The following YTHDC2 variants were observed in gnomAD, a reference collection of about 807,000 sequenced individuals.
The protein encoded by YTHDC2 is YTH N6-methyladenosine RNA binding protein C2.
In YTHDC2, 45 loss-of-function variants were observed where a neutral mutation model predicts 174.9. The ratio of observed to expected loss-of-function variants is 0.26; its 90% CI spans 0.20 to 0.33. The LOEUF (loss-of-function observed/expected upper bound fraction) is 0.33. Among genes scored for constraint, YTHDC2 ranks in the 10% least tolerant of loss-of-function variants. The probability of loss-of-function intolerance (pLI) is 1.00; values close to 1 mark genes in which losing one functional copy is unlikely to be tolerated. For missense variants in YTHDC2, 1,650 were observed against 1,723.7 expected (o/e 0.96, Z 0.76); for synonymous variants, 657 against 574.5 (o/e 1.14, Z -2.05).
At chr5:113,514,215 G>C in intron 1 of YTHDC2, 133 bp downstream of exon 1, 1 of 1,196,998 alleles carries the variant, frequency 8.4e-7, no homozygotes, top group Non-Finnish European at 1.2e-6. Context: ...CGTCCGGGGC[G>C]GGCCTCAGCG....
chr5:113,519,406 C>G (rs2112525147), intron 2 of YTHDC2, among the ~76,000 whole-genome samples: 1 of 152,206 alleles, frequency 6.6e-6, no homozygotes, highest in Non-Finnish European at 1.5e-5. Context: ...TTTTCTAAGT[C>G]TTTGGCTTGT....
At chr5:113,570,421 T>A (rs768170799) in intron 23 of YTHDC2, among the ~76,000 whole-genome samples, 5 of 152,082 alleles carry the variant, frequency 3.3e-5, no homozygotes, top group Admixed American at 6.6e-5. Flanking sequence ...GTATTTTATT[T>A]TTGTTGCAAT....
chr5:113,556,048 A>T lies in YTHDC2; in HGVS notation c.2134-4A>T. 6.4e-7 allele frequency: 1 copy of T among 1,561,238 alleles called. No individual in the cohort carries two copies. Among genetic ancestry groups the T allele is most frequent in the Non-Finnish European group, 8.8e-7 (1 of 1,134,558 alleles). On this transcript the variant is annotated splice_region_variant and splice_polypyrimidine_tract_variant and intron_variant, in intron 16 of 29. Transcript: ENST00000161863. ...CTAACATAAAGATGGTTTAAATATT[A>T]CAGAAATCCTTTGATGCTCTGAATT...
intron 17 of YTHDC2, among the ~76,000 whole-genome samples, chr5:113,556,512 A>C (rs1295896241): frequency 2.0e-5 from 3 of 152,228 alleles, no homozygotes; most frequent in Non-Finnish European, 4.4e-5. Context: ...GCAATTTACC[A>C]AAATAAAAAA....
rs987771986 is a variant in YTHDC2, at chr5:113,565,754, A to G, written c.2716-139A>G. ...TTAATGATAAATATTATTTGATCAT[A>G]AAGTCTTAGATTTTATAGAAAATTA... is the stretch of plus-strand genomic sequence containing the variant. On this transcript the variant is annotated intron_variant, in intron 20 of 29. Transcript: ENST00000161863. The G allele has an allele frequency of 1.7e-5, 13 of 764,390 alleles. No homozygotes were observed. The Admixed American group carries it at 2.7e-4, about 16-fold the overall frequency. The allele number at this position is 764,390 out of a possible 1,614,324, so 47.4% of individuals were successfully genotyped here. A position where few individuals can be genotyped will look rare whatever the true frequency, so the allele number is the denominator to read the frequency against.
chr5:113,561,249 CT>C, intron 18 of YTHDC2, 64 bp downstream of exon 18: 1 of 1,284,392 alleles, frequency 7.8e-7, no homozygotes, highest in Non-Finnish European at 1.1e-6. Context: ...GCCATTTCAA[CT>C]TCTATGGATT....
chr5:113,567,917 AT>A, intron 23 of YTHDC2, 68 bp downstream of exon 23: 1 of 1,227,020 alleles, frequency 8.1e-7, no homozygotes, highest in Non-Finnish European at 1.1e-6. Flanking sequence ...TAATGAAATT[AT>A]TTTACTAAAC....
At chr5:113,577,428 G>T (rs1778125003) in intron 23 of YTHDC2, among the ~76,000 whole-genome samples, 1 of 152,082 alleles carries the variant, frequency 6.6e-6, no homozygotes, top group East Asian at 1.9e-4. Context: ...GAAGTACAGT[G>T]GTGCAATTAC....
intron 4 of YTHDC2, among the ~76,000 whole-genome samples, chr5:113,528,014 T>A (rs1288677134): frequency 6.6e-6 from 1 of 152,210 alleles, no homozygotes; most frequent in Non-Finnish European, 1.5e-5. Flanking sequence ...GAGAATTTGT[T>A]TAGCTGTCTT....
chr5:113,576,037 G>A (rs1162490476), intron 23 of YTHDC2, among the ~76,000 whole-genome samples: 6 of 152,150 alleles, frequency 3.9e-5, no homozygotes, highest in Non-Finnish European at 7.4e-5. Flanking sequence ...AGCAAGTCGT[G>A]TAGGGGAGAA....
chr5:113,552,663 T>C (rs182454338), intron 12 of YTHDC2, among the ~76,000 whole-genome samples: 225 of 152,232 alleles, frequency 1.5e-3, no homozygotes, highest in Non-Finnish European at 1.9e-3. Context: ...TTCATTTCTC[T>C]TATATATACA....
Position 113,561,121 on chromosome 5 carries a change from G to C in YTHDC2, c.2258G>C (p.Ser753Thr). ...CRPGICFRLF[S>T]RLRFQNMLEF... The stretch of plus-strand genomic sequence containing the variant: ...CCTGGAATTTGTTTTCGTCTGTTCA[G>C]TAGACTCCGATTCCAGAATATGTTG... The change falls in exon 18 of 30, where the codon AGT (serine) becomes ACT (threonine). Residue 753 changes from serine to threonine, a missense_variant. By Grantham distance (58) the Ser-to-Thr change is moderately conservative. Coordinates refer to ENST00000161863, the MANE Select transcript of YTHDC2 (RefSeq NM_022828.5). 6.2e-7 allele frequency: 1 copy of C among 1,613,152 alleles called. No individual in the cohort carries two copies. The highest frequency in any genetic ancestry group is 8.5e-7 in the Non-Finnish European group (1 of 1,179,466).
Position 113,561,196 on chromosome 5 carries a change from A to T in YTHDC2, c.2322+11A>T. ...AGAATGCCATTACAGGTAAAAATTT[A>T]TTTAAATATAAAAGGCATTTTTTTG... On this transcript the variant is annotated intron_variant, in intron 18 of 29. Transcript: ENST00000161863. The T allele has an allele frequency of 6.2e-7, 1 of 1,606,220 alleles. No homozygotes were observed. Among genetic ancestry groups the T allele is most frequent in the Non-Finnish European group, 8.5e-7 (1 of 1,175,750 alleles).
At chr5:113,581,315 T>C (rs552355593) in intron 24 of YTHDC2, 102 bp from the exon 25 acceptor site, 2 of 1,079,294 alleles carry the variant, frequency 1.9e-6, no homozygotes, top group Non-Finnish European at 2.5e-6. Context: ...AAATGTGAAA[T>C]AAGTTTGTTG....
intron 24 of YTHDC2, among the ~76,000 whole-genome samples, chr5:113,580,328 C>G (rs1300417924): frequency 2.6e-5 from 4 of 152,136 alleles, no homozygotes; most frequent in African/African-American, 9.7e-5. Context: ...ATTGGGTACA[C>G]AAGAACTCCC....
chr5:113,514,075 C>A lies in YTHDC2; in HGVS notation c.180C>A (p.Asp60Glu). Reference sequence around the variant, plus strand: ...CGCTGGAGCGCTTCCGATACGGGGACCAGAGAGGTGAGGTTCCGGACAGGG... The same window carrying A: ...CGCTGGAGCGCTTCCGATACGGGGAACAGAGAGGTGAGGTTCCGGACAGGG... ...NIALERFRYG[D>E]QREMEFPSSL... Residue 60 changes from aspartate to glutamate, a missense_variant, in exon 1 of 30, where the codon GAC becomes GAA. Physicochemically the swap from Asp to Glu is conservative, Grantham distance 45 (BLOSUM62 2). Around this residue, in one of 5 missense-constraint regions of YTHDC2, gnomAD observed 304 missense variants for 341.4 expected, o/e 0.89. Transcript: ENST00000161863. 1 of 1,611,456 alleles carries A rather than the reference C, an allele frequency of 6.2e-7. No individual in the cohort carries two copies. The highest frequency in any genetic ancestry group is 8.5e-7 in the Non-Finnish European group (1 of 1,178,998).
In YTHDC2 at chr5:113,553,662, A is replaced by G. The variant is rs772708058; in HGVS notation, c.1940A>G (p.Lys647Arg). 1.2e-6 allele frequency: 2 copies of G among 1,613,562 alleles called. No individual in the cohort carries two copies. Among genetic ancestry groups the G allele is most frequent in the South Asian group, 1.1e-5 (1 of 91,058 alleles). Residue 647 changes from lysine (K) to arginine (R), a missense_variant, in exon 14 of 30, where the codon AAG becomes AGG. Lys to Arg is a conservative substitution (Grantham distance 26). Transcript: ENST00000161863. Reference protein sequence around the residue: ...GLRDRILFDDKRFADSTHRYQ... With the variant: ...GLRDRILFDDRRFADSTHRYQ... ...AGAGATCGCATCCTGTTTGATGACA[A>G]GCGGTTTGCTGACAGTACACATAGG...
Position 113,514,015 on chromosome 5 carries a change from C to T in YTHDC2, c.120C>T (p.Arg40=). 4 of 1,610,480 alleles carry T rather than the reference C, an allele frequency of 2.5e-6. No homozygotes were observed. In the South Asian group the frequency reaches 4.4e-5, roughly 18 times the overall value. The part of the protein sequence containing the change: ...GGRAKGLKDI[R]IDEEVKIAVN... ...GGGCCAAGGGGCTGAAGGACATTCG[C>T]ATTGATGAGGAGGTGAAGATCGCAG... Residue 40 remains arginine (R), a synonymous_variant, in exon 1 of 30, where the codon CGC becomes CGT. Coordinates refer to ENST00000161863, the MANE Select transcript of YTHDC2 (RefSeq NM_022828.5).
At position 113,561,183 on chromosome 5, in the gene YTHDC2, C is replaced by G; in HGVS notation, c.2320C>G (p.Gln774Glu). 1 of 1,610,396 alleles carries G rather than the reference C, an allele frequency of 6.2e-7. No homozygotes were observed. Among genetic ancestry groups the G allele is most frequent in the South Asian group, 1.1e-5 (1 of 90,096 alleles). The change falls in exon 18 of 30, where the codon CAG (glutamine) becomes GAG (glutamate). Residue 774 changes from glutamine (Q) to glutamate (E), a missense_variant and splice_region_variant. Gln to Glu is a conservative substitution (Grantham distance 29). Around this residue, in one of 5 missense-constraint regions of YTHDC2, gnomAD observed 913 missense variants for 940.4 expected, o/e 0.97. Transcript: ENST00000161863. ...TCCGGAACTTTTGAGAATGCCATTA[C>G]AGGTAAAAATTTATTTAAATATAAA... The part of the protein sequence containing the change: ...QTPELLRMPL[Q>E]ELCLHTKLLA...
Sources: gnomAD v4.1 joint callset for allele counts (sites outside exome capture counted in the v4.1 genomes callset) on GRCh38, gnomAD v4.1.1 for gene constraint, gnomAD v4.1.1 regional missense constraint, MANE v1.5 for transcripts, NCBI Gene and HGNC (gene_info 2026-07-23, HGNC 2026-07-21) for gene names.